Variants in DNAJB14 observed in about 807,000 individuals in gnomAD.
DNAJB14 encodes dnaJ homolog subfamily B member 14.
Under a neutral mutation model 48.4 loss-of-function variants are expected in DNAJB14, and 22 were observed. The ratio of observed to expected loss-of-function variants is 0.45; its 90% CI spans 0.32 to 0.65. The LOEUF (loss-of-function observed/expected upper bound fraction) is 0.65, where lower values mean the gene tolerates loss of function less well. Among genes scored for constraint, DNAJB14 ranks in the 30% least tolerant of loss-of-function variants. The pLI is 0.03. For missense variants in DNAJB14, 319 were observed against 458.8 expected (o/e 0.70, Z 2.78); for synonymous variants, 142 against 158.7 (o/e 0.89, Z 0.79).
rs73832912 is a variant in DNAJB14, at chr4:99,905,828, A to G, written c.733-122T>C. The G allele has an allele frequency of 2.3e-5, 30 of 1,280,008 alleles. No homozygotes were observed. The East Asian group carries it at 7.4e-4, about 31-fold the overall frequency. 79.3% of individuals were successfully genotyped at this position (1,280,008 alleles called of 1,614,324 possible). On this transcript the variant is annotated intron_variant, in intron 5 of 7. Transcript: ENST00000442697. ...AGATCATCTAGTTCAGTGCTTTCAA[A>G]TCTGCGTAACCATGCCAATAGGATG...
Position 99,897,065 on chromosome 4 carries a change from A to G in DNAJB14, c.*3963T>C, listed in dbSNP as rs1227263577. 1 of 152,076 alleles carries G rather than the reference A, an allele frequency of 6.6e-6. No homozygotes were observed. The highest frequency in any genetic ancestry group is 1.5e-5 in the Non-Finnish European group (1 of 67,934). 9.4% of individuals were successfully genotyped at this position (152,076 alleles called of 1,614,324 possible). On this transcript the variant is annotated 3_prime_UTR_variant, in exon 8 of 8. Coordinates refer to ENST00000442697, the MANE Select transcript of DNAJB14 (RefSeq NM_001031723.4). ...GAGCAACAAATAATTCACACCAATG[A>G]AATTGTGTTGACTGATTTTCAAAGT...
chr4:99,934,564 C>T (rs576042012), intron 1 of DNAJB14, among the ~76,000 whole-genome samples: 15 of 151,618 alleles, frequency 9.9e-5, no homozygotes, highest in East Asian at 3.9e-4. Flanking sequence ...GAGGCTGAGG[C>T]GGGTAGATCA....
intron 1 of DNAJB14, among the ~76,000 whole-genome samples, chr4:99,935,249 T>C (rs1354189199): frequency 6.6e-6 from 1 of 152,100 alleles, no homozygotes; most frequent in African/African-American, 2.4e-5. Context: ...AAATGACTTA[T>C]AAAGGAGAGG....
chr4:99,935,428 C>G (rs1385562119), intron 1 of DNAJB14, among the ~76,000 whole-genome samples: 2 of 152,186 alleles, frequency 1.3e-5, no homozygotes, highest in Non-Finnish European at 2.9e-5. Flanking sequence ...ATGAATGGAG[C>G]TTAGTTCCCA....
At chr4:99,943,630 A>G (rs1282332406) in intron 1 of DNAJB14, among the ~76,000 whole-genome samples, 3 of 152,204 alleles carry the variant, frequency 2.0e-5, no homozygotes, top group African/African-American at 7.2e-5. Context: ...CGAAAAAGCT[A>G]AAGGCTAGAG....
At chr4:99,913,580 A>G (rs1218458797) in intron 3 of DNAJB14, among the ~76,000 whole-genome samples, 6 of 150,560 alleles carry the variant, frequency 4.0e-5, no homozygotes, top group Admixed American at 4.0e-4. Flanking sequence ...ATATTTTGTT[A>G]AGGACATTTG....
chr4:99,902,528 C>G (rs1468246976), intron 7 of DNAJB14, among the ~76,000 whole-genome samples: 7 of 152,134 alleles, frequency 4.6e-5, no homozygotes, highest in Admixed American at 4.6e-4. Context: ...ACATCTCTAA[C>G]TGCCACTAAA....
At chr4:99,922,614 A>G (rs1452412436) in intron 3 of DNAJB14, 1 of 152,398 alleles carries the variant, frequency 6.6e-6, no homozygotes, top group Non-Finnish European at 1.5e-5. Flanking sequence ...AAAGTTTAAT[A>G]GAAATAAAAG....
chr4:99,930,129 T>C (rs1726408571), intron 2 of DNAJB14: 1 of 176,854 alleles, frequency 5.7e-6, no homozygotes, highest in Non-Finnish European at 1.2e-5. Context: ...TTCATCTATG[T>C]AAAATAAAAC....
chr4:99,922,123 A>C (rs973098263), intron 3 of DNAJB14, among the ~76,000 whole-genome samples: 3 of 152,184 alleles, frequency 2.0e-5, no homozygotes, highest in African/African-American at 4.8e-5. Context: ...CCACTTTGGC[A>C]GTGGCTTTTA....
At chr4:99,935,805 C>A (rs374553917) in intron 1 of DNAJB14, among the ~76,000 whole-genome samples, 1 of 152,166 alleles carries the variant, frequency 6.6e-6, no homozygotes, top group Admixed American at 6.5e-5. Flanking sequence ...CGGTGGCTCA[C>A]GCCTGTAATC....
intron 2 of DNAJB14, chr4:99,924,432 T>A (rs966001750): frequency 7.6e-5 from 16 of 209,952 alleles, no homozygotes; most frequent in Non-Finnish European, 1.3e-4. Flanking sequence ...AAGGCATCTA[T>A]CATTTGTTAT....
intron 3 of DNAJB14, among the ~76,000 whole-genome samples, chr4:99,911,825 C>CT (rs1035842370): frequency 6.6e-6 from 1 of 152,068 alleles, no homozygotes; most frequent in African/African-American, 2.4e-5. Flanking sequence ...CCTGGCAAAT[C>CT]TTTTTTTCCA....
chr4:99,904,536 A>G (rs1238713804), intron 6 of DNAJB14, among the ~76,000 whole-genome samples: 1 of 152,156 alleles, frequency 6.6e-6, no homozygotes, highest in Non-Finnish European at 1.5e-5. Flanking sequence ...AGACTTGGGT[A>G]CCATCCTCAA....
At chr4:99,906,000 G>T (rs147455283) in intron 5 of DNAJB14, 2 of 1,292,944 alleles carry the variant, frequency 1.5e-6, no homozygotes, top group African/African-American at 1.5e-5. Context: ...ACACAGAGAC[G>T]CTATCAATAT....
At chr4:99,931,985 A>G (rs1726487530) in intron 1 of DNAJB14, among the ~76,000 whole-genome samples, 2 of 152,114 alleles carry the variant, frequency 1.3e-5, no homozygotes, top group Non-Finnish European at 2.9e-5. Context: ...GCAAAAGAAT[A>G]AATTTGGACT....
At chr4:99,937,198 T>A (rs532359175) in intron 1 of DNAJB14, among the ~76,000 whole-genome samples, 71 of 149,010 alleles carry the variant, frequency 4.8e-4, no homozygotes, top group South Asian at 3.9e-3. Flanking sequence ...GCGCTTATAG[T>A]CCCAGCTACT....
intron 4 of DNAJB14, among the ~76,000 whole-genome samples, chr4:99,907,032 T>C (rs1053805788): frequency 6.6e-6 from 1 of 152,192 alleles, no homozygotes; most frequent in Non-Finnish European, 1.5e-5. Context: ...AAAATAGCCC[T>C]ATAATATATC....
intron 1 of DNAJB14, among the ~76,000 whole-genome samples, chr4:99,946,217 G>A (rs1487004814): frequency 6.6e-6 from 1 of 152,134 alleles, no homozygotes; most frequent in Non-Finnish European, 1.5e-5. Context: ...GCAGGCGGGT[G>A]CAGAGGAACC....
Sources: allele counts gnomAD v4.1 joint callset (sites outside exome capture counted in the v4.1 genomes callset), GRCh38; gene constraint gnomAD v4.1.1; transcripts MANE v1.5; gene names NCBI Gene and HGNC (gene_info 2026-07-23, HGNC 2026-07-21).